Variants in C5orf47 observed in about 807,000 individuals in gnomAD.
C5orf47 encodes the protein uncharacterized protein C5orf47.
C5orf47 carries 20 observed loss-of-function variants against 20.6 expected under a neutral mutation model. The ratio of observed to expected loss-of-function variants is 0.97; its 90% CI spans 0.68 to 1.41. The LOEUF (loss-of-function observed/expected upper bound fraction) is 1.41. Ranked by LOEUF, C5orf47 falls within the 40% of genes most tolerant of loss-of-function variation. The pLI is 0.00. For synonymous variants in C5orf47, 106 were observed against 97.3 expected (o/e 1.09, Z -0.53); for missense variants, 262 against 238.4 (o/e 1.10, Z -0.65).
At chr5:174,001,939 T>C (rs1268642262) in intron 4 of C5orf47, among the ~76,000 whole-genome samples, 1 of 149,554 alleles carries the variant, frequency 6.7e-6, no homozygotes, top group Non-Finnish European at 1.5e-5. Context: ...CATACAGTTA[T>C]CTTTTTTCTT....
chr5:174,008,262 C>G (rs1420927901), downstream of C5orf47, among the ~76,000 whole-genome samples: 1 of 152,156 alleles, frequency 6.6e-6, no homozygotes, highest in Admixed American at 6.5e-5. Context: ...TATTGTTCAT[C>G]TAGGAATATT....
chr5:174,006,648 T>A (rs1379884144), downstream of C5orf47, among the ~76,000 whole-genome samples: 3 of 152,160 alleles, frequency 2.0e-5, no homozygotes, highest in Non-Finnish European at 2.9e-5. Context: ...GTCTTGAGTT[T>A]AGGAGCGGGT....
chr5:174,002,578 C>T (rs938216732), intron 4 of C5orf47, among the ~76,000 whole-genome samples: 7 of 148,218 alleles, frequency 4.7e-5, no homozygotes, highest in Admixed American at 6.7e-5. Flanking sequence ...CATCTTGCCA[C>T]GTTTGCTTGC....
chr5:173,999,285 A>C (rs1759154377), intron 2 of C5orf47, among the ~76,000 whole-genome samples: 1 of 152,168 alleles, frequency 6.6e-6, no homozygotes, highest in South Asian at 2.1e-4. Flanking sequence ...TCCTAGGAGA[A>C]ATACTTAATT....
At chr5:174,008,326 C>T (rs570928918), downstream of C5orf47, among the ~76,000 whole-genome samples, 89 of 152,296 alleles carry the variant, frequency 5.8e-4, no homozygotes, top group South Asian at 1.9e-3. Flanking sequence ...GAATGAGACA[C>T]AGTGCAGGAA....
intron 1 of C5orf47, among the ~76,000 whole-genome samples, chr5:173,995,751 G>A (rs944360332): frequency 1.3e-5 from 2 of 152,204 alleles, no homozygotes; most frequent in African/African-American, 2.4e-5. Flanking sequence ...TTGAATGAAT[G>A]AAAAGTAAGT....
Position 174,001,211 on chromosome 5 carries a change from G to A in C5orf47, c.527G>A (p.Arg176Lys), listed in dbSNP as rs1019602463. 7 of 1,514,150 alleles carry A rather than the reference G, an allele frequency of 4.6e-6. No individual in the cohort carries two copies. In the African/African-American group the frequency reaches 6.9e-5, roughly 15 times the overall value. 93.8% of individuals were successfully genotyped at this position (1,514,150 alleles called of 1,614,324 possible). The change falls in exon 4 of 5, where the codon AGA becomes AAA. Residue 176 changes from arginine (R) to lysine (K), a missense_variant. Coordinates refer to ENST00000340147, the MANE Select transcript of C5orf47 (RefSeq NM_001144954.2). ...RLSSESSNYTR is the reference protein window; with the variant it reads ...RLSSESSNYTK ...TTGTTTGCAGGCTCAAATTACACAA[G>A]ATGAATCTTCTTATCTTCTGGTAAG...
chr5:173,995,819 T>G (rs1759078583), intron 1 of C5orf47, among the ~76,000 whole-genome samples: 1 of 152,208 alleles, frequency 6.6e-6, no homozygotes, highest in South Asian at 2.1e-4. Context: ...ACTGAAGATT[T>G]TTGAATGGTG....
rs1231891179 is a variant in C5orf47, at chr5:173,989,440, G to T, written c.177G>T (p.Ala59=). ...CRQEKPREAM[A]VAGVQGGSEL... ...AGGAGAAGCCGAGGGAAGCAATGGC[G>T]GTGGCGGGCGTTCAGGGTGGCAGCG... is the stretch of plus-strand genomic sequence containing the variant. The change falls in exon 1 of 5, where the codon GCG becomes GCT. Residue 59 remains alanine, a synonymous_variant. Coordinates refer to ENST00000340147, the MANE Select transcript of C5orf47 (RefSeq NM_001144954.2). The T allele has an allele frequency of 1.3e-6, 2 of 1,549,484 alleles. No individual in the cohort carries two copies. The highest frequency in any genetic ancestry group is 4.9e-5 in the East Asian group (2 of 40,928).
At chr5:173,993,030 T>C (rs17764221) in intron 1 of C5orf47, among the ~76,000 whole-genome samples, 4,275 of 152,306 alleles carry the variant, frequency 0.028, 78 homozygotes, top group Middle Eastern at 0.061. Context: ...GTCTGTACTC[T>C]GATTTGCCTA....
rs951059318 is a variant in C5orf47, at chr5:174,004,819, A to G, written c.*565A>G. 1 of 152,258 alleles carries G rather than the reference A, an allele frequency of 6.6e-6. No homozygotes were observed. The highest frequency in any genetic ancestry group is 1.5e-5 in the Non-Finnish European group (1 of 68,010). The allele number at this position is 152,258 out of a possible 1,614,324, so 9.4% of individuals were successfully genotyped here. Reference sequence around the variant, plus strand: ...TCTTTTCATCCTAAGGAAAATTAGTAAATGTATGCATTTATAATATGGATA... The same window carrying G: ...TCTTTTCATCCTAAGGAAAATTAGTGAATGTATGCATTTATAATATGGATA... On this transcript the variant is annotated 3_prime_UTR_variant, in exon 5 of 5. Coordinates refer to ENST00000340147, the MANE Select transcript of C5orf47 (RefSeq NM_001144954.2).
chr5:173,992,697 T>G lies in C5orf47; in HGVS notation c.325+3109T>G, dbSNP rs188428654. Among the ~76,000 whole-genome samples the G allele has an allele frequency of 1.1e-3, 170 of 152,362 alleles. 2 individuals are homozygous for G. The Middle Eastern group carries it at 0.014, about 12-fold the overall frequency. Reference sequence around the variant, plus strand: ...TTTTTAGAAGAAATTCTGTAATTTTTAACTCTTTTCCATATAGTTGCTTAA... The same window carrying G: ...TTTTTAGAAGAAATTCTGTAATTTTGAACTCTTTTCCATATAGTTGCTTAA... On this transcript the variant is annotated intron_variant, in intron 1 of 4. Transcript: ENST00000340147.
At chr5:173,992,163 T>C (rs766565575) in intron 1 of C5orf47, among the ~76,000 whole-genome samples, 2 of 152,092 alleles carry the variant, frequency 1.3e-5, no homozygotes, top group Non-Finnish European at 2.9e-5. Flanking sequence ...TTGTCATTTC[T>C]TTTCCTATAT....
intron 1 of C5orf47, among the ~76,000 whole-genome samples, chr5:173,995,055 C>G (rs1399742390): frequency 6.6e-6 from 1 of 152,138 alleles, no homozygotes; most frequent in Non-Finnish European, 1.5e-5. Context: ...TCAGGTGATC[C>G]ACCTACCTTG....
intron 4 of C5orf47, among the ~76,000 whole-genome samples, chr5:174,002,781 T>A (rs1033890535): frequency 1.2e-4 from 18 of 152,184 alleles, no homozygotes; most frequent in Admixed American, 6.5e-5. Flanking sequence ...TTTTAAAAAA[T>A]TTTGGTACTA....
intron 3 of C5orf47, among the ~76,000 whole-genome samples, chr5:174,000,960 A>G (rs1759185205): frequency 6.6e-6 from 1 of 152,132 alleles, no homozygotes. Context: ...CTTAAATGTA[A>G]TCTTGTAAGG....
rs74520787 is a variant in C5orf47 at position 174,001,816 on chromosome 5, C to G, written c.*16+585C>G. ...GATTTTTATAGCTTCAACTACTCTT[C>G]CTGGGTATATTACCCTTAAATCTCA... is the stretch of plus-strand genomic sequence containing the variant. On this transcript the variant is annotated intron_variant, in intron 4 of 4. Transcript: ENST00000340147. 3.4e-4 allele frequency among the ~76,000 whole-genome samples: 52 copies of G among 152,206 alleles called. No homozygotes were observed. The East Asian group carries it at 8.5e-3, about 25-fold the overall frequency.
chr5:174,006,023 ACTTTT>A lies in C5orf47; in HGVS notation c.*1774_*1778del, dbSNP rs1257793607. The A allele has an allele frequency of 3.3e-5, 5 of 152,306 alleles. No individual in the cohort carries two copies. The highest frequency in any genetic ancestry group is 1.2e-4 in the African/African-American group (5 of 41,426). The allele number at this position is 152,306 out of a possible 1,614,324, so 9.4% of individuals were successfully genotyped here. On this transcript the variant is annotated 3_prime_UTR_variant, in exon 5 of 5. Transcript: ENST00000340147. ...TTAAATAGAATATAATAAACATAAG[ACTTTT>A]CTTTACTGATACATCACTGAACATA...
At chr5:173,997,794 G>T (rs1759124557) in intron 1 of C5orf47, among the ~76,000 whole-genome samples, 1 of 152,148 alleles carries the variant, frequency 6.6e-6, no homozygotes, top group Admixed American at 6.6e-5. Flanking sequence ...GAAGTGTAAT[G>T]TCTGTCTGGA....
Sources: gnomAD v4.1 joint callset for allele counts (sites outside exome capture counted in the v4.1 genomes callset) on GRCh38, gnomAD v4.1.1 for gene constraint, MANE v1.5 for transcripts, NCBI Gene and HGNC (gene_info 2026-07-23, HGNC 2026-07-21) for gene names.